The following PCLO variants were observed in gnomAD, a reference collection of about 807,000 sequenced individuals.
PCLO encodes piccolo presynaptic cytomatrix protein.
PCLO carries 82 observed loss-of-function variants against 427.5 expected under a neutral mutation model. The ratio of observed to expected loss-of-function variants is 0.19; its 90% CI spans 0.16 to 0.23. PCLO has a LOEUF of 0.23. PCLO is among the 10% of genes least tolerant of loss of function. The probability of loss-of-function intolerance (pLI) is 1.00; values close to 1 mark genes in which losing one functional copy is unlikely to be tolerated. For missense variants in PCLO, 6,239 were observed against 6,115.9 expected, an observed-to-expected ratio of 1.02 and a Z score of -0.67; for synonymous variants, 2,357 against 2,155.4, an observed-to-expected ratio of 1.09 and a Z score of -2.59.
chr7:82,978,041 C>T (rs967892593), intron 3 of PCLO, among the ~76,000 whole-genome samples: 5 of 151,642 alleles, frequency 3.3e-5, no homozygotes, highest in Non-Finnish European at 5.9e-5. Context: ...GTTTTAGTAC[C>T]ATTTGCAAGG....
At chr7:83,017,312 C>A (rs968614057) in intron 3 of PCLO, among the ~76,000 whole-genome samples, 40 of 151,844 alleles carry the variant, frequency 2.6e-4, no homozygotes, top group African/African-American at 9.4e-4. Context: ...AAAAGAACAG[C>A]ATAAACATTA....
intron 3 of PCLO, among the ~76,000 whole-genome samples, chr7:82,966,797 A>T (rs1795785204): frequency 6.6e-6 from 1 of 152,176 alleles, no homozygotes. Context: ...AAGAAAAAAA[A>T]TCTGCATTTG....
intron 3 of PCLO, among the ~76,000 whole-genome samples, chr7:82,973,335 C>T (rs1242098439): frequency 1.3e-5 from 2 of 152,112 alleles, no homozygotes; most frequent in South Asian, 4.1e-4. Flanking sequence ...ACCACTGACA[C>T]CAGAATAATT....
At chr7:82,813,297 A>G (rs1303687838) in intron 20 of PCLO, among the ~76,000 whole-genome samples, 1 of 151,760 alleles carries the variant, frequency 6.6e-6, no homozygotes, top group Non-Finnish European at 1.5e-5. Context: ...TTAATGATCT[A>G]TTAATCTATA....
At chr7:83,090,864 T>A (rs1428075154) in intron 3 of PCLO, among the ~76,000 whole-genome samples, 1 of 152,160 alleles carries the variant, frequency 6.6e-6, no homozygotes. Context: ...TACCCTCCTA[T>A]CATTGCCTCC....
intron 13 of PCLO, among the ~76,000 whole-genome samples, chr7:82,844,590 A>C (rs1029049720): frequency 1.3e-5 from 2 of 152,160 alleles, no homozygotes; most frequent in Non-Finnish European, 2.9e-5. Flanking sequence ...ACAAAAGGAC[A>C]CTTTTTTCGC....
intron 6 of PCLO, among the ~76,000 whole-genome samples, chr7:82,917,756 C>T (rs1477571311): frequency 3.3e-5 from 5 of 151,818 alleles, no homozygotes; most frequent in Admixed American, 3.3e-4. Flanking sequence ...CAAGATGCTT[C>T]CTTTTCTTTT....
intron 22 of PCLO, among the ~76,000 whole-genome samples, chr7:82,785,784 C>G (rs140252692): frequency 6.6e-6 from 1 of 152,160 alleles, no homozygotes; most frequent in Non-Finnish European, 1.5e-5. Flanking sequence ...GCAAAGAGAA[C>G]AGCAGGAGCA....
chr7:83,053,573 G>C (rs993831452), intron 3 of PCLO, among the ~76,000 whole-genome samples: 8 of 151,922 alleles, frequency 5.3e-5, no homozygotes, highest in African/African-American at 1.9e-4. Flanking sequence ...TTAATGCAGA[G>C]ACTACTTTGG....
At chr7:83,009,057 C>T (rs1311473841) in intron 3 of PCLO, among the ~76,000 whole-genome samples, 1 of 151,560 alleles carries the variant, frequency 6.6e-6, no homozygotes, top group Non-Finnish European at 1.5e-5. Context: ...TTACCTAAAC[C>T]TTAATTCATT....
intron 3 of PCLO, among the ~76,000 whole-genome samples, chr7:83,054,618 G>T (rs541249551): frequency 6.6e-6 from 1 of 152,070 alleles, no homozygotes; most frequent in African/African-American, 2.4e-5. Flanking sequence ...ACATTGAGTG[G>T]CTGAACAACA....
At chr7:82,806,608 A>G (rs1424072482) in intron 20 of PCLO, among the ~76,000 whole-genome samples, 2 of 152,096 alleles carry the variant, frequency 1.3e-5, no homozygotes, top group Non-Finnish European at 2.9e-5. Flanking sequence ...TGTTTCCCTG[A>G]TTTTGCTGGG....
At chr7:83,084,785 G>A (rs138873565) in intron 3 of PCLO, among the ~76,000 whole-genome samples, 91 of 151,994 alleles carry the variant, frequency 6.0e-4, no homozygotes, top group African/African-American at 1.9e-3. Flanking sequence ...GCACGTATTC[G>A]AACGCTTTCA....
chr7:82,832,577 T>C (rs1339259075), intron 16 of PCLO, among the ~76,000 whole-genome samples: 1 of 152,064 alleles, frequency 6.6e-6, no homozygotes, highest in Non-Finnish European at 1.5e-5. Context: ...TAGGTATATA[T>C]ACTTTTAAGG....
rs774968490 is a variant in PCLO at position 82,953,786 on chromosome 7, T to A, written c.7167A>T (p.Lys2389Asn). ...AAGAACTTCTAAAGAATGGGCGAGG[T>A]TTAGCTGGAAGAGAGGAAACAGAAG... ...GSPSVSSLPA[K>N]PRPFFRSSSL... Residue 2389 changes from lysine to asparagine, a missense_variant, in exon 5 of 25, where the codon AAA becomes AAT. By Grantham distance (94) the Lys-to-Asn change is moderately conservative (BLOSUM62 0). Coordinates refer to ENST00000333891, the MANE Select transcript of PCLO (RefSeq NM_033026.6). 5.0e-6 allele frequency: 8 copies of A among 1,588,324 alleles called. No homozygotes were observed. In the African/African-American group the frequency reaches 1.1e-4, roughly 21 times the overall value.
chr7:82,851,891 T>A (rs965005765), intron 10 of PCLO, among the ~76,000 whole-genome samples: 1 of 152,160 alleles, frequency 6.6e-6, no homozygotes, highest in Non-Finnish European at 1.5e-5. Context: ...TTCATTTTAA[T>A]GTTAGGCAGT....
intron 10 of PCLO, among the ~76,000 whole-genome samples, chr7:82,853,108 C>T (rs1792708118): frequency 6.6e-6 from 1 of 152,016 alleles, no homozygotes; most frequent in Admixed American, 6.6e-5. Context: ...AATCTCTTTA[C>T]CCATTTATAA....
chr7:82,840,905 A>G (rs1458760344), intron 14 of PCLO, among the ~76,000 whole-genome samples: 1 of 151,858 alleles, frequency 6.6e-6, no homozygotes, highest in African/African-American at 2.4e-5. Context: ...TCAGAAATAT[A>G]TAAATATCAA....
intron 9 of PCLO, among the ~76,000 whole-genome samples, chr7:82,888,858 T>C (rs910481647): frequency 2.6e-5 from 4 of 152,098 alleles, no homozygotes; most frequent in African/African-American, 9.7e-5. Context: ...ACAGAGCTAA[T>C]TGTGATCTAA....
Sources: gnomAD v4.1 joint callset for allele counts (sites outside exome capture counted in the v4.1 genomes callset) on GRCh38, gnomAD v4.1.1 for gene constraint, MANE v1.5 for transcripts, NCBI Gene and HGNC (gene_info 2026-07-23, HGNC 2026-07-21) for gene names.